The following TTBK2 variants were observed in gnomAD, a reference collection of about 807,000 sequenced individuals.
TTBK2 encodes tau-tubulin kinase 2.
TTBK2 carries 28 observed loss-of-function variants against 110.8 expected under a neutral mutation model. That is an observed-to-expected ratio of 0.25 (90% CI 0.19 to 0.35). TTBK2 has a LOEUF of 0.35. Among genes scored for constraint, TTBK2 ranks in the 10% least tolerant of loss-of-function variants. TTBK2 has a pLI of 1.00. For synonymous variants in TTBK2, 532 were observed against 527.3 expected (o/e 1.01, Z -0.12); for missense variants, 1,369 against 1,500.3 (o/e 0.91, Z 1.45).
rs147718933 is a variant in TTBK2 at position 42,825,588 on chromosome 15, G to A, written c.537+2340C>T. 5.9e-3 allele frequency among the ~76,000 whole-genome samples: 893 copies of A among 152,210 alleles called. 10 individuals carry two copies. The highest frequency in any genetic ancestry group is 0.02 in the African/African-American group (822 of 41,540). Reference sequence around the variant, plus strand: ...AAATTAGCTGGGTGTGGTGGCGGGCGCCTGTAGTCCCAGCTACTGGGGAGG... The same window carrying A: ...AAATTAGCTGGGTGTGGTGGCGGGCACCTGTAGTCCCAGCTACTGGGGAGG... On this transcript the variant is annotated intron_variant, in intron 6 of 14. Transcript: ENST00000267890.
rs1278212946 is a variant in TTBK2, at chr15:42,744,860, T to C, written c.*935A>G. 3.9e-5 allele frequency: 6 copies of C among 153,122 alleles called. No homozygotes were observed. The highest frequency in any genetic ancestry group is 2.0e-4 in the Admixed American group (3 of 15,290). 9.5% of individuals were successfully genotyped at this position (153,122 alleles called of 1,614,324 possible). ...TCTTGGATGCTGATATTACAAACAG[T>C]TGGAACCCAGAAGACTTAAGGAAGC... On this transcript the variant is annotated 3_prime_UTR_variant, in exon 15 of 15. Coordinates refer to ENST00000267890, the MANE Select transcript of TTBK2 (RefSeq NM_173500.4).
chr15:42,877,485 T>C (rs1237947089), intron 2 of TTBK2, among the ~76,000 whole-genome samples: 1 of 140,634 alleles, frequency 7.1e-6, no homozygotes. Flanking sequence ...AGTAAATAAA[T>C]TGTAAGGAAA....
At chr15:42,858,807 T>C (rs187622709) in intron 3 of TTBK2, among the ~76,000 whole-genome samples, 5 of 152,288 alleles carry the variant, frequency 3.3e-5, no homozygotes, top group Non-Finnish European at 5.9e-5. Flanking sequence ...ACAAGCCCAA[T>C]ACTTTAAAAC....
chr15:42,852,044 G>A (rs893267219), intron 3 of TTBK2, among the ~76,000 whole-genome samples: 1 of 151,568 alleles, frequency 6.6e-6, no homozygotes, highest in African/African-American at 2.4e-5. Context: ...AAGTAGTATA[G>A]ATGTCCCGAC....
chr15:42,847,829 G>A (rs192855087), intron 3 of TTBK2, among the ~76,000 whole-genome samples: 19 of 152,112 alleles, frequency 1.2e-4, no homozygotes, highest in African/African-American at 4.3e-4. Flanking sequence ...TCTGTACTAC[G>A]TTTTAAAATC....
At chr15:42,838,140 G>A (rs533214480) in intron 4 of TTBK2, among the ~76,000 whole-genome samples, 19 of 152,188 alleles carry the variant, frequency 1.2e-4, no homozygotes, top group African/African-American at 4.1e-4. Context: ...CCCGGGAGGC[G>A]GAGGTTGCAG....
chr15:42,768,137 C>A (rs1889476403), intron 13 of TTBK2, among the ~76,000 whole-genome samples: 1 of 152,158 alleles, frequency 6.6e-6, no homozygotes, highest in Admixed American at 6.5e-5. Context: ...TTATTTATGA[C>A]AAAACCACAG....
At chr15:42,893,579 G>C (rs1346051253) in intron 1 of TTBK2, among the ~76,000 whole-genome samples, 1 of 150,858 alleles carries the variant, frequency 6.6e-6, no homozygotes, top group Non-Finnish European at 1.5e-5. Flanking sequence ...TCCACCTAGG[G>C]GGAAAAGACA....
At chr15:42,783,098 T>C (rs983020085) in intron 11 of TTBK2, among the ~76,000 whole-genome samples, 9 of 152,174 alleles carry the variant, frequency 5.9e-5, no homozygotes, top group South Asian at 2.1e-4. Context: ...ACTGAACATA[T>C]ACACCTGCTA....
chr15:42,754,957 G>A (rs1350468584), intron 13 of TTBK2, among the ~76,000 whole-genome samples: 3 of 138,226 alleles, frequency 2.2e-5, no homozygotes, highest in East Asian at 2.3e-4. Context: ...GTGGTGAGCC[G>A]AGATTGTGCC....
chr15:42,805,085 C>T (rs1300957527), intron 9 of TTBK2, among the ~76,000 whole-genome samples: 2 of 152,206 alleles, frequency 1.3e-5, no homozygotes, highest in African/African-American at 2.4e-5. Context: ...ATATCCACTC[C>T]TTGTTTCAGA....
At chr15:42,879,398 C>G (rs1338227858) in intron 1 of TTBK2, among the ~76,000 whole-genome samples, 1 of 152,058 alleles carries the variant, frequency 6.6e-6, no homozygotes, top group African/African-American at 2.4e-5. Flanking sequence ...ATTTAAGTAT[C>G]TGCTTTTGTT....
intron 13 of TTBK2, among the ~76,000 whole-genome samples, chr15:42,766,210 A>G (rs1889364091): frequency 6.6e-6 from 1 of 152,056 alleles, no homozygotes; most frequent in South Asian, 2.1e-4. Flanking sequence ...AACTGCATCA[A>G]CTAACTGGCA....
chr15:42,856,046 C>T (rs1893929709), intron 3 of TTBK2, among the ~76,000 whole-genome samples: 1 of 152,142 alleles, frequency 6.6e-6, no homozygotes, highest in Admixed American at 6.5e-5. Context: ...TCCCTTTATC[C>T]TGTCCTTCCT....
chr15:42,814,342 G>A (rs1891853629), intron 7 of TTBK2, among the ~76,000 whole-genome samples: 1 of 152,148 alleles, frequency 6.6e-6, no homozygotes, highest in African/African-American at 2.4e-5. Flanking sequence ...ACTTTCGGGG[G>A]CCAAGGCTAG....
At chr15:42,780,750 C>T (rs1297671960) in intron 11 of TTBK2, among the ~76,000 whole-genome samples, 1 of 151,962 alleles carries the variant, frequency 6.6e-6, no homozygotes, top group Non-Finnish European at 1.5e-5. Context: ...CAAATCACCT[C>T]AGGTCAGGAG....
chr15:42,784,316 C>T (rs765478896), intron 10 of TTBK2, among the ~76,000 whole-genome samples: 1 of 151,986 alleles, frequency 6.6e-6, no homozygotes, highest in Admixed American at 6.6e-5. Flanking sequence ...TCACTCTTGT[C>T]GCCCAGGCTG....
chr15:42,897,921 G>A (rs1895732448), intron 1 of TTBK2, among the ~76,000 whole-genome samples: 1 of 151,682 alleles, frequency 6.6e-6, no homozygotes, highest in Admixed American at 6.6e-5. Flanking sequence ...CAGGCGCAGC[G>A]GCTCATGGCA....
chr15:42,833,247 T>TAAAAAA (rs35997543), intron 4 of TTBK2, among the ~76,000 whole-genome samples: 38 of 74,802 alleles, frequency 5.1e-4, no homozygotes, highest in East Asian at 7.3e-4. Flanking sequence ...CCAAATTTTG[T>TAAAAAA]AAAAAAAAAA....
Sources: allele counts gnomAD v4.1 joint callset (sites outside exome capture counted in the v4.1 genomes callset), GRCh38; gene constraint gnomAD v4.1.1; transcripts MANE v1.5; gene names NCBI Gene and HGNC (gene_info 2026-07-23, HGNC 2026-07-21).